The following DLGAP1 variants were observed in gnomAD, a reference collection of about 807,000 sequenced individuals.
DLGAP1 encodes DLG associated protein 1, also known as disks large-associated protein 1.
A neutral mutation model predicts 90.8 loss-of-function variants in DLGAP1; 11 were observed. That is an observed-to-expected ratio of 0.12 (90% CI 0.08 to 0.20). The LOEUF (loss-of-function observed/expected upper bound fraction) is 0.20, where lower values mean the gene tolerates loss of function less well. Among genes scored for constraint, DLGAP1 ranks in the 10% least tolerant of loss-of-function variants. DLGAP1 has a pLI of 1.00. For synonymous variants in DLGAP1, 558 were observed against 540.7 expected (o/e 1.03, Z -0.44); for missense variants, 1,050 against 1,333.8 (o/e 0.79, Z 3.31).
chr18:3,917,824 T>C (rs933706314), intron 3 of DLGAP1, among the ~76,000 whole-genome samples: 1 of 149,940 alleles, frequency 6.7e-6, no homozygotes, highest in Non-Finnish European at 1.5e-5. Context: ...TATGGGAGAG[T>C]CAGTACCTAG....
At chr18:3,507,503 A>G (rs1026876220) in intron 11 of DLGAP1, among the ~76,000 whole-genome samples, 1 of 152,170 alleles carries the variant, frequency 6.6e-6, no homozygotes, top group African/African-American at 2.4e-5. Context: ...CCTGGACAAC[A>G]GAGCGAGACT....
At chr18:4,216,133 T>C (rs2077949174) in intron 1 of DLGAP1, among the ~76,000 whole-genome samples, 1 of 152,022 alleles carries the variant, frequency 6.6e-6, no homozygotes, top group Non-Finnish European at 1.5e-5. Context: ...CTTACAATCA[T>C]GGCACAAGGG....
intron 1 of DLGAP1, among the ~76,000 whole-genome samples, chr18:4,431,509 T>C (rs897465487): frequency 1.3e-5 from 2 of 152,236 alleles, no homozygotes; most frequent in African/African-American, 2.4e-5. Context: ...ATTCAAATAA[T>C]GGTTTAAAAC....
chr18:3,707,212 G>A (rs1325954745), intron 7 of DLGAP1, among the ~76,000 whole-genome samples: 3 of 152,168 alleles, frequency 2.0e-5, no homozygotes, highest in South Asian at 2.1e-4. Flanking sequence ...GTACCTCTAC[G>A]CTCTAAGAAA....
intron 4 of DLGAP1, among the ~76,000 whole-genome samples, chr18:3,840,933 T>C (rs1209918149): frequency 6.6e-6 from 1 of 152,194 alleles, no homozygotes; most frequent in African/African-American, 2.4e-5. Context: ...GCGTCTGTGT[T>C]CTGGTTTGAA....
At chr18:3,860,146 T>TG (rs2069952759) in intron 4 of DLGAP1, among the ~76,000 whole-genome samples, 1 of 151,144 alleles carries the variant, frequency 6.6e-6, no homozygotes, top group Admixed American at 6.6e-5. Context: ...GGCACTAAAT[T>TG]GGGGGCATTT....
intron 7 of DLGAP1, among the ~76,000 whole-genome samples, chr18:3,687,392 A>G (rs1414018906): frequency 6.6e-6 from 1 of 152,216 alleles, no homozygotes; most frequent in African/African-American, 2.4e-5. Context: ...ATGGTGTAAA[A>G]GAATTAACGA....
chr18:3,850,351 C>T (rs2069267757), intron 4 of DLGAP1, among the ~76,000 whole-genome samples: 1 of 151,560 alleles, frequency 6.6e-6, no homozygotes, highest in East Asian at 2.0e-4. Context: ...GAGATTGTGT[C>T]ACTGCACTCT....
chr18:4,073,664 T>C (rs13313690), intron 2 of DLGAP1, among the ~76,000 whole-genome samples: 4 of 152,282 alleles, frequency 2.6e-5, no homozygotes, highest in South Asian at 4.1e-4. Flanking sequence ...ACTAAGTGGA[T>C]AGAAACTTGA....
In DLGAP1 at chr18:3,742,808, T is replaced by C. The variant is rs558277226; in HGVS notation, c.1173-296A>G. Among the ~76,000 whole-genome samples the C allele has an allele frequency of 7.9e-5, 12 of 152,360 alleles. No individual in the cohort carries two copies. The East Asian group carries it at 2.3e-3, about 29-fold the overall frequency. ...AGCAGATAATAAGCAGCAATTGTCC[T>C]GCCCAGGAATTCTGACTTGTGTAAT... is the stretch of plus-strand genomic sequence containing the variant. On this transcript the variant is annotated intron_variant, in intron 5 of 12. Transcript: ENST00000315677.
At chr18:3,733,429 C>G (rs932621564) in intron 6 of DLGAP1, among the ~76,000 whole-genome samples, 6 of 152,114 alleles carry the variant, frequency 3.9e-5, no homozygotes, top group Admixed American at 2.0e-4. Context: ...AGTATTCTCT[C>G]GAGATTCTGG....
chr18:3,888,114 A>AAAAAAAAAAAAAAAAAAAAAAC, intron 3 of DLGAP1, among the ~76,000 whole-genome samples: 1 of 146,438 alleles, frequency 6.8e-6, no homozygotes, highest in African/African-American at 2.6e-5. Flanking sequence ...TCTCAAAAAA[A>AAAAAAAAAAAAAAAAAAAAAAC]AAAAAAAAAA....
intron 1 of DLGAP1, among the ~76,000 whole-genome samples, chr18:4,187,106 T>C (rs1315678371): frequency 6.6e-6 from 1 of 152,180 alleles, no homozygotes; most frequent in East Asian, 1.9e-4. Flanking sequence ...TGATTTTGCA[T>C]CCTGAAATTT....
At chr18:3,722,465 A>C (rs771467975) in intron 7 of DLGAP1, 3 of 152,198 alleles carry the variant, frequency 2.0e-5, no homozygotes, top group Admixed American at 2.0e-4. Context: ...AACAGCAGAC[A>C]AGGATAAGTT....
chr18:4,071,812 T>C (rs2075451166), intron 2 of DLGAP1, among the ~76,000 whole-genome samples: 1 of 152,180 alleles, frequency 6.6e-6, no homozygotes, highest in Non-Finnish European at 1.5e-5. Flanking sequence ...ATTTTCTAAC[T>C]CTGTTCAAAT....
chr18:3,916,500 T>A (rs773799837), intron 3 of DLGAP1, among the ~76,000 whole-genome samples: 1 of 152,208 alleles, frequency 6.6e-6, no homozygotes, highest in African/African-American at 2.4e-5. Flanking sequence ...AGTCATAACC[T>A]ATATGACTTT....
chr18:3,717,360 G>T (rs1478805725), intron 7 of DLGAP1, among the ~76,000 whole-genome samples: 1 of 152,066 alleles, frequency 6.6e-6, no homozygotes, highest in Admixed American at 6.6e-5. Flanking sequence ...AGGAAAGAAG[G>T]GTGGGTAGGA....
chr18:4,029,871 C>T (rs1317182696), intron 2 of DLGAP1, among the ~76,000 whole-genome samples: 4 of 152,306 alleles, frequency 2.6e-5, no homozygotes, highest in Middle Eastern at 6.8e-3. Context: ...TGGCAACCTC[C>T]TTCCACTCAT....
intron 4 of DLGAP1, among the ~76,000 whole-genome samples, chr18:3,871,078 G>A (rs748355622): frequency 4.6e-5 from 7 of 152,202 alleles, no homozygotes; most frequent in Non-Finnish European, 8.8e-5. Context: ...AGGATGTTAT[G>A]AGAATGGATA....
Sources: gnomAD v4.1 joint callset for allele counts (sites outside exome capture counted in the v4.1 genomes callset) on GRCh38, gnomAD v4.1.1 for gene constraint, MANE v1.5 for transcripts, NCBI Gene and HGNC (gene_info 2026-07-23, HGNC 2026-07-21) for gene names.